The following PDE4B variants were observed in gnomAD, a reference collection of about 807,000 sequenced individuals.
PDE4B encodes phosphodiesterase 4B, also known as 3',5'-cyclic-AMP phosphodiesterase 4B.
A neutral mutation model predicts 82.2 loss-of-function variants in PDE4B; 20 were observed. That is an observed-to-expected ratio of 0.24 (90% CI 0.17 to 0.35). PDE4B has a LOEUF of 0.35. PDE4B is among the 10% of genes least tolerant of loss of function. The pLI is 1.00. For missense variants in PDE4B, 655 were observed against 907.2 expected (o/e 0.72, Z 3.57); for synonymous variants, 320 against 318.9 (o/e 1.00, Z -0.04).
chr1:65,952,239 AC>A (rs1466254683), intron 3 of PDE4B, among the ~76,000 whole-genome samples: 1 of 152,050 alleles, frequency 6.6e-6, no homozygotes, highest in Non-Finnish European at 1.5e-5. Context: ...CACTTTTGAT[AC>A]CACCCCATTA....
chr1:66,001,833 G>C (rs1411676080), intron 3 of PDE4B, among the ~76,000 whole-genome samples: 1 of 151,894 alleles, frequency 6.6e-6, no homozygotes, highest in East Asian at 1.9e-4. Flanking sequence ...AACTAGTCTT[G>C]TGCCTCAGCC....
intron 3 of PDE4B, among the ~76,000 whole-genome samples, chr1:65,976,816 T>C (rs1650433894): frequency 6.6e-6 from 1 of 152,132 alleles, no homozygotes; most frequent in Non-Finnish European, 1.5e-5. Flanking sequence ...TGAGGCTTCC[T>C]AGCAATGCTT....
At chr1:66,050,199 A>G (rs771737071) in intron 3 of PDE4B, among the ~76,000 whole-genome samples, 1 of 152,090 alleles carries the variant, frequency 6.6e-6, no homozygotes, top group African/African-American at 2.4e-5. Context: ...GTTCAATTGG[A>G]AATATATGTT....
intron 3 of PDE4B, among the ~76,000 whole-genome samples, chr1:65,970,992 A>G (rs17452121): frequency 0.072 from 10,925 of 151,006 alleles, 463 homozygotes; most frequent in Middle Eastern, 0.21. Flanking sequence ...AGGAGAGGCT[A>G]AAGAGCTTCT....
intron 3 of PDE4B, among the ~76,000 whole-genome samples, chr1:66,206,464 G>C (rs969411905): frequency 6.6e-6 from 1 of 152,126 alleles, no homozygotes; most frequent in African/African-American, 2.4e-5. Context: ...TGAACAGGAA[G>C]GTAGAGGAAG....
intron 1 of PDE4B, among the ~76,000 whole-genome samples, chr1:65,824,047 C>G (rs1645986149): frequency 6.6e-6 from 1 of 152,186 alleles, no homozygotes; most frequent in Non-Finnish European, 1.5e-5. Flanking sequence ...ATCCTTCATT[C>G]TCACCCCCCA....
At chr1:65,987,233 C>T (rs991562980) in intron 3 of PDE4B, among the ~76,000 whole-genome samples, 4 of 152,108 alleles carry the variant, frequency 2.6e-5, no homozygotes, top group African/African-American at 9.7e-5. Flanking sequence ...ATACAAGCCT[C>T]CCACCTAGGA....
At chr1:65,820,595 C>A (rs1175283648) in intron 1 of PDE4B, among the ~76,000 whole-genome samples, 2 of 152,130 alleles carry the variant, frequency 1.3e-5, no homozygotes, top group African/African-American at 2.4e-5. Context: ...TATCTTAGCC[C>A]TTTAAAAAAT....
At chr1:66,272,241 C>T (rs1655545099) in intron 7 of PDE4B, among the ~76,000 whole-genome samples, 1 of 152,176 alleles carries the variant, frequency 6.6e-6, no homozygotes, top group South Asian at 2.1e-4. Context: ...CTGCACAGCC[C>T]CAGGAGTCAG....
rs188233336 is a variant in PDE4B at position 66,286,138 on chromosome 1, A to T, written c.634+20051A>T. Among the ~76,000 whole-genome samples the T allele has an allele frequency of 2.2e-4, 33 of 152,306 alleles. No homozygotes were observed. The East Asian group carries it at 3.1e-3, about 14-fold the overall frequency. On this transcript the variant is annotated intron_variant, in intron 7 of 16. Transcript: ENST00000341517. ...TCCTTGGCCCATGAGTCTCCATAGAAGATGCCATGTGCTTCTGGTAATTGA... is the reference window on the plus strand; with the variant it reads ...TCCTTGGCCCATGAGTCTCCATAGATGATGCCATGTGCTTCTGGTAATTGA...
intron 1 of PDE4B, among the ~76,000 whole-genome samples, chr1:65,812,905 G>T (rs531394521): frequency 1.3e-5 from 2 of 152,018 alleles, no homozygotes; most frequent in African/African-American, 4.8e-5. Context: ...GCTTTCTAAG[G>T]GTCCTAGACA....
chr1:65,871,200 T>A (rs1451552571), intron 1 of PDE4B, among the ~76,000 whole-genome samples: 1 of 152,214 alleles, frequency 6.6e-6, no homozygotes, highest in Non-Finnish European at 1.5e-5. Flanking sequence ...TTTGATCTAT[T>A]TGAAGTATGC....
intron 16 of PDE4B, among the ~76,000 whole-genome samples, chr1:66,369,219 T>C (rs967399208): frequency 6.6e-6 from 1 of 152,230 alleles, no homozygotes; most frequent in Admixed American, 6.5e-5. Flanking sequence ...ATTTAGATAG[T>C]TGTCTCTGAT....
At chr1:66,350,002 C>G (rs758956481) in intron 8 of PDE4B, among the ~76,000 whole-genome samples, 1 of 151,922 alleles carries the variant, frequency 6.6e-6, no homozygotes, top group Non-Finnish European at 1.5e-5. Context: ...TGCTTAGGGC[C>G]AGAGCTAAGA....
chr1:65,913,380 ATGTTTGGTC>A, intron 2 of PDE4B, 24 bp downstream of exon 2: 1 of 1,611,092 alleles, frequency 6.2e-7, no homozygotes, highest in East Asian at 2.2e-5. Flanking sequence ...GGTCCCAATC[ATGTTTGGTC>A]TGTTCAATAA....
chr1:66,126,367 A>G (rs1645823596), intron 3 of PDE4B, among the ~76,000 whole-genome samples: 2 of 152,182 alleles, frequency 1.3e-5, no homozygotes, highest in Admixed American at 1.3e-4. Context: ...CAAATAAATT[A>G]TTTCAGAGGT....
intron 7 of PDE4B, among the ~76,000 whole-genome samples, chr1:66,280,970 C>CT: frequency 6.6e-6 from 1 of 152,262 alleles, no homozygotes; most frequent in Non-Finnish European, 1.5e-5. Flanking sequence ...GTGTACATAG[C>CT]TTTAACTCAG....
intron 1 of PDE4B, among the ~76,000 whole-genome samples, chr1:65,909,206 G>A (rs2100446467): frequency 6.6e-6 from 1 of 152,234 alleles, no homozygotes; most frequent in African/African-American, 2.4e-5. Flanking sequence ...GAAATAGAAT[G>A]AAAGCTTTTT....
chr1:65,980,156 A>G (rs1160420414), intron 3 of PDE4B, among the ~76,000 whole-genome samples: 1 of 152,220 alleles, frequency 6.6e-6, no homozygotes, highest in East Asian at 1.9e-4. Context: ...GATTATACAC[A>G]TCTATATAAA....
Sources: allele counts gnomAD v4.1 joint callset (sites outside exome capture counted in the v4.1 genomes callset), GRCh38; gene constraint gnomAD v4.1.1; transcripts MANE v1.5; gene names NCBI Gene and HGNC (gene_info 2026-07-23, HGNC 2026-07-21).